Variants in IGF2R observed in about 807,000 individuals in gnomAD.
The protein encoded by IGF2R is cation-independent mannose-6-phosphate receptor.
A neutral mutation model predicts 270.6 loss-of-function variants in IGF2R; 91 were observed. That is an observed-to-expected ratio of 0.34 (90% CI 0.28 to 0.40). The LOEUF (loss-of-function observed/expected upper bound fraction) is 0.40, where lower values mean the gene tolerates loss of function less well. IGF2R is among the 10% of genes least tolerant of loss of function. The pLI is 1.00. For missense variants in IGF2R, 2,805 were observed against 3,188.3 expected, an observed-to-expected ratio of 0.88 and a Z score of 2.90; for synonymous variants, 1,316 against 1,258.9, an observed-to-expected ratio of 1.05 and a Z score of -0.96.
At chr6:160,047,413 G>C (rs1356052719) in intron 16 of IGF2R, 77 bp downstream of exon 16, 3 of 1,271,412 alleles carry the variant, frequency 2.4e-6, no homozygotes, top group Non-Finnish European at 2.1e-6. Context: ...AGCAGAGCTT[G>C]TATCAGTCTG....
At chr6:160,064,673 T>G in intron 28 of IGF2R, 131 bp from the exon 29 acceptor site, 1 of 1,137,054 alleles carries the variant, frequency 8.8e-7, no homozygotes, top group Non-Finnish European at 1.3e-6. Flanking sequence ...GAAAATATGT[T>G]GAAACTTTCA....
intron 4 of IGF2R, 129 bp from the exon 5 acceptor site, chr6:160,024,443 T>G: frequency 1.2e-6 from 1 of 854,208 alleles, no homozygotes; most frequent in Non-Finnish European, 1.8e-6. Flanking sequence ...CCTGAGTTCG[T>G]TATTAGGGGA....
chr6:160,032,689 C>G lies in IGF2R; in HGVS notation c.1021C>G (p.Leu341Val). Residue 341 changes from leucine to valine, a missense_variant, in exon 8 of 48, where the codon CTC becomes GTC. Leu to Val is a conservative substitution (Grantham distance 32). Around this residue, in one of 2 missense-constraint regions of IGF2R, gnomAD observed 954 missense variants for 981.1 expected, o/e 0.97. Coordinates refer to ENST00000356956, the MANE Select transcript of IGF2R (RefSeq NM_000876.4). Reference protein sequence around the residue: ...SGEQQDVSIDLTPLAQSGGSS... With the variant: ...SGEQQDVSIDVTPLAQSGGSS... ...CGAGCAGCAGGATGTCTCCATAGAC[C>G]TCACACCACTTGCCCAGAGCGGAGG... The G allele has an allele frequency of 6.2e-7, 1 of 1,614,022 alleles. No homozygotes were observed. Among genetic ancestry groups the G allele is most frequent in the Non-Finnish European group, 8.5e-7 (1 of 1,179,996 alleles).
intron 1 of IGF2R, among the ~76,000 whole-genome samples, chr6:159,978,280 C>T (rs1783724431): frequency 1.3e-5 from 2 of 152,146 alleles, no homozygotes; most frequent in African/African-American, 4.8e-5. Flanking sequence ...CTGAGGTTTG[C>T]AGCCTTGAGG....
Position 160,060,605 on chromosome 6 carries a change from C to T in IGF2R, c.3150C>T (p.Pro1050=). The stretch of plus-strand genomic sequence containing the variant: ...GCAATGATGATGTTTACTCAGGGCC[C>T]CTCAAATTCCTGCATCAAGATATCG... ...FVCNDDVYSG[P]LKFLHQDIDS... Residue 1050 remains proline, a synonymous_variant, in exon 23 of 48, where the codon CCC becomes CCT. Coordinates refer to ENST00000356956, the MANE Select transcript of IGF2R (RefSeq NM_000876.4). The T allele has an allele frequency of 6.2e-7, 1 of 1,614,240 alleles. No individual in the cohort carries two copies.
intron 12 of IGF2R, 123 bp downstream of exon 12, chr6:160,043,411 G>A: frequency 8.5e-7 from 1 of 1,175,746 alleles, no homozygotes; most frequent in Non-Finnish European, 1.2e-6. Context: ...ATGAAGGATG[G>A]TAAAAATTTT....
chr6:159,983,171 T>C (rs939064311), intron 1 of IGF2R, among the ~76,000 whole-genome samples: 4 of 152,252 alleles, frequency 2.6e-5, no homozygotes, highest in African/African-American at 9.6e-5. Context: ...TGTGTCGGCC[T>C]GGGGCTACAT....
At chr6:160,089,043 TTTTGC>T in intron 42 of IGF2R, 59 bp from the exon 43 acceptor site, 10 of 1,547,676 alleles carry the variant, frequency 6.5e-6, no homozygotes, top group Non-Finnish European at 8.8e-6. Flanking sequence ...GTGTTCATTG[TTTTGC>T]AGTCTTCCCT....
At chr6:160,093,961 G>T (rs1779288959) in intron 44 of IGF2R, 1 of 687,790 alleles carries the variant, frequency 1.5e-6, no homozygotes, top group Middle Eastern at 4.3e-4. Context: ...GAAGGTGGAT[G>T]TAGAACAGAA....
chr6:160,009,023 G>C lies in IGF2R; in HGVS notation c.303G>C (p.Leu101Phe), dbSNP rs1452078727. 1.9e-6 allele frequency: 3 copies of C among 1,613,808 alleles called. No homozygotes were observed. In the African/African-American group the frequency reaches 4.0e-5, roughly 22 times the overall value. ...RTYHSVGDSV[L>F]RSATRSLLEF... ...CTCTCCAAATAGGTGACTCTGTTTTGAGAAGTGCAACCAGATCTCTCCTGG... is the reference window on the plus strand; with the variant it reads ...CTCTCCAAATAGGTGACTCTGTTTTCAGAAGTGCAACCAGATCTCTCCTGG... The change falls in exon 3 of 48, where the codon TTG (leucine) becomes TTC (phenylalanine). Residue 101 changes from leucine (L) to phenylalanine (F), a missense_variant. Around this residue, in one of 2 missense-constraint regions of IGF2R, gnomAD observed 954 missense variants for 981.1 expected, o/e 0.97. Transcript: ENST00000356956.
Position 160,047,816 on chromosome 6 carries a change from T to G in IGF2R, c.2254T>G (p.Phe752Val), listed in dbSNP as rs1778102641. 3 of 1,613,700 alleles carry G rather than the reference T, an allele frequency of 1.9e-6. No individual in the cohort carries two copies. Among genetic ancestry groups the G allele is most frequent in the African/African-American group, 1.3e-5 (1 of 74,912 alleles). Reference protein sequence around the residue: ...YQEEDNSTYNFRWYTSYACPE... With the variant: ...YQEEDNSTYNVRWYTSYACPE... ...GGAAGAGGATAACTCCACCTACAAC[T>G]TCCGGTGGTACACCAGCTATGCCTG... is the stretch of plus-strand genomic sequence containing the variant. The change falls in exon 17 of 48, where the codon TTC becomes GTC. Residue 752 changes from phenylalanine to valine, a missense_variant. This residue lies in a region of IGF2R where 954 missense variants were observed against 981.1 expected (regional missense o/e 0.97). Transcript: ENST00000356956.
At chr6:160,044,423 TC>T in intron 12 of IGF2R, 90 bp from the exon 13 acceptor site, 1 of 1,137,696 alleles carries the variant, frequency 8.8e-7, no homozygotes, top group Non-Finnish European at 1.3e-6. Flanking sequence ...TCTTTCTTTC[TC>T]TTTCTTTCTT....
chr6:159,999,555 T>C (rs948332533), intron 2 of IGF2R, among the ~76,000 whole-genome samples: 1 of 152,212 alleles, frequency 6.6e-6, no homozygotes, highest in African/African-American at 2.4e-5. Context: ...TGTGTGGCTC[T>C]GAGAGGACAT....
intron 2 of IGF2R, among the ~76,000 whole-genome samples, chr6:160,001,039 G>A (rs1784121870): frequency 1.3e-5 from 2 of 151,908 alleles, no homozygotes. Flanking sequence ...GCCTGGCCTG[G>A]TATGAGTTTT....
intron 1 of IGF2R, among the ~76,000 whole-genome samples, chr6:159,971,008 G>T (rs1173303781): frequency 6.6e-6 from 1 of 152,212 alleles, no homozygotes; most frequent in Non-Finnish European, 1.5e-5. Context: ...AGCCCCGCAG[G>T]TCGAGGTTGC....
chr6:160,003,370 C>T (rs1784159864), intron 2 of IGF2R: 1 of 152,136 alleles, frequency 6.6e-6, no homozygotes, highest in Admixed American at 6.5e-5. Flanking sequence ...ATGGTCTCTC[C>T]TGATAGTCTG....
At chr6:160,075,717 T>A in intron 35 of IGF2R, 130 bp from the exon 36 acceptor site, 4 of 862,660 alleles carry the variant, frequency 4.6e-6, no homozygotes, top group Non-Finnish European at 7.2e-6. Context: ...TAAACCCAGT[T>A]TCTTTAGATG....
chr6:160,048,614 T>G (rs1326731727), intron 18 of IGF2R, 71 bp downstream of exon 18: 2 of 1,490,294 alleles, frequency 1.3e-6, no homozygotes, highest in Non-Finnish European at 1.8e-6. Context: ...AGGTGGTTAT[T>G]CTGGGACATC....
chr6:159,989,750 A>T (rs1264429868), intron 1 of IGF2R, among the ~76,000 whole-genome samples: 3 of 152,196 alleles, frequency 2.0e-5, no homozygotes, highest in African/African-American at 7.2e-5. Context: ...GCATTTTGCA[A>T]GGACATTTTA....
Sources: gnomAD v4.1 joint callset for allele counts (sites outside exome capture counted in the v4.1 genomes callset) on GRCh38, gnomAD v4.1.1 for gene constraint, gnomAD v4.1.1 regional missense constraint, MANE v1.5 for transcripts, NCBI Gene and HGNC (gene_info 2026-07-23, HGNC 2026-07-21) for gene names.